TUSC3: variants seen among roughly 807,000 people sequenced by gnomAD.
TUSC3 encodes the protein tumor suppressor candidate 3.
Under a neutral mutation model 44.8 loss-of-function variants are expected in TUSC3, and 45 were observed. That is an observed-to-expected ratio of 1.00 (90% CI 0.79 to 1.29). TUSC3 has a LOEUF of 1.29. TUSC3 is among the 50% of genes most tolerant of loss of function. The probability of loss-of-function intolerance (pLI) is 0.00; values close to 1 mark genes in which losing one functional copy is unlikely to be tolerated. For missense variants in TUSC3, 519 were observed against 437.9 expected (o/e 1.19, Z -1.65); for synonymous variants, 212 against 152.9 (o/e 1.39, Z -2.85).
intron 1 of TUSC3, among the ~76,000 whole-genome samples, chr8:15,477,973 T>G (rs1288517664): frequency 1.3e-5 from 2 of 152,122 alleles, no homozygotes; most frequent in Non-Finnish European, 2.9e-5. Context: ...TAATTTTATG[T>G]TTTTGACACA....
intron 1 of TUSC3, among the ~76,000 whole-genome samples, chr8:15,541,370 G>A (rs1801685848): frequency 6.6e-6 from 1 of 152,116 alleles, no homozygotes; most frequent in Admixed American, 6.5e-5. Flanking sequence ...AGTTATTTCG[G>A]GAATGTGACT....
chr8:15,522,784 C>G (rs1801315364), intron 2 of TUSC3, among the ~76,000 whole-genome samples: 1 of 152,136 alleles, frequency 6.6e-6, no homozygotes, highest in Non-Finnish European at 1.5e-5. Context: ...CAAAAGGAAG[C>G]TCCTTTTCTC....
intron 2 of TUSC3, among the ~76,000 whole-genome samples, chr8:15,497,258 T>C (rs1282163717): frequency 6.6e-6 from 1 of 152,116 alleles, no homozygotes; most frequent in Non-Finnish European, 1.5e-5. Flanking sequence ...TGCTTCCAAG[T>C]CCCAATTCCC....
chr8:15,684,907 C>T (rs1403720980), intron 6 of TUSC3, among the ~76,000 whole-genome samples: 1 of 152,142 alleles, frequency 6.6e-6, no homozygotes, highest in Non-Finnish European at 1.5e-5. Context: ...GCTGTGGGCA[C>T]ACTTCTGCAA....
At chr8:15,459,517 A>G (rs1800310951) in intron 1 of TUSC3, among the ~76,000 whole-genome samples, 2 of 152,038 alleles carry the variant, frequency 1.3e-5, no homozygotes, top group South Asian at 2.1e-4. Context: ...GTGTTTGGTT[A>G]TGTGAGTACA....
chr8:15,757,772 A>G lies in TUSC3; in HGVS notation c.1029-19A>G. 6.8e-7 allele frequency: 1 copy of G among 1,477,654 alleles called. No individual in the cohort carries two copies. The highest frequency in any genetic ancestry group is 2.3e-5 in the East Asian group (1 of 44,146). 91.5% of individuals were successfully genotyped at this position (1,477,654 alleles called of 1,614,324 possible). A position where few individuals can be genotyped will look rare whatever the true frequency, so the allele number is the denominator to read the frequency against. ...TATTTTTTCCATATTGTTGTATTTCATTGTGGTGTATTGGAAAGTGATCTG... is the reference window on the plus strand; with the variant it reads ...TATTTTTTCCATATTGTTGTATTTCGTTGTGGTGTATTGGAAAGTGATCTG... On this transcript the variant is annotated intron_variant, in intron 9 of 10. Transcript: ENST00000503731.
At chr8:15,426,581 C>A (rs1186373509) in intron 1 of TUSC3, among the ~76,000 whole-genome samples, 1 of 152,288 alleles carries the variant, frequency 6.6e-6, no homozygotes, top group East Asian at 1.9e-4. Flanking sequence ...GGATTTCTTT[C>A]TTTTTCAAGA....
At chr8:15,651,600 T>C (rs902713644) in intron 3 of TUSC3, among the ~76,000 whole-genome samples, 3 of 152,144 alleles carry the variant, frequency 2.0e-5, no homozygotes, top group African/African-American at 4.8e-5. Flanking sequence ...AGGGGCATGT[T>C]AGAACACAGC....
chr8:15,453,727 C>T (rs1800221834), intron 1 of TUSC3, among the ~76,000 whole-genome samples: 1 of 152,176 alleles, frequency 6.6e-6, no homozygotes. Context: ...ATTCTTGTTA[C>T]AGTGGGCAGG....
chr8:15,612,497 G>A (rs1395604885), intron 1 of TUSC3, among the ~76,000 whole-genome samples: 2 of 152,158 alleles, frequency 1.3e-5, no homozygotes, highest in Non-Finnish European at 2.9e-5. Flanking sequence ...GTAGTAAAAT[G>A]TGAATTGAGA....
chr8:15,652,870 G>T (rs1374388052), intron 3 of TUSC3, among the ~76,000 whole-genome samples: 1 of 152,160 alleles, frequency 6.6e-6, no homozygotes, highest in Non-Finnish European at 1.5e-5. Context: ...TGAAGACAGG[G>T]AGTTGGGTTA....
intron 5 of TUSC3, among the ~76,000 whole-genome samples, chr8:15,669,259 A>C (rs1807825658): frequency 1.3e-5 from 2 of 151,984 alleles, no homozygotes; most frequent in South Asian, 2.1e-4. Context: ...TCCATTGCTG[A>C]AACAATTGAA....
rs1801429252 is a variant in TUSC3 at position 15,529,946 on chromosome 8, CGGCT to C, written n.189+46464_189+46467del. On this transcript the variant is annotated intron_variant and non_coding_transcript_variant, in intron 2 of 5. Coordinates refer to the TUSC3 transcript ENST00000503191. ...CCGAGTAGCTGGGACTACAGGCGCCCGGCTAATTTTTTGTATTTTTAGTAGAGAC... is the reference window on the plus strand; with the variant it reads ...CCGAGTAGCTGGGACTACAGGCGCCCAATTTTTTGTATTTTTAGTAGAGAC... Among the ~76,000 whole-genome samples, 36 of 37,184 alleles carry C rather than the reference CGGCT, an allele frequency of 9.7e-4. 1 individual carries two copies. Among genetic ancestry groups the C allele is most frequent in the South Asian group, 2.5e-3 (2 of 810 alleles). The allele number at this position is 37,184 out of a possible 152,430, so 24.4% of individuals were successfully genotyped here.
intron 1 of TUSC3, among the ~76,000 whole-genome samples, chr8:15,607,834 A>G (rs972443613): frequency 6.6e-6 from 1 of 152,186 alleles, no homozygotes; most frequent in African/African-American, 2.4e-5. Flanking sequence ...AAAATGTAGA[A>G]ATTTTGTACT....
At chr8:15,831,818 T>C in the TUSC3 span, among the ~76,000 whole-genome samples, 3 of 152,286 alleles carry the variant, frequency 2.0e-5, no homozygotes, top group East Asian at 5.8e-4. Flanking sequence ...ATATGATTCA[T>C]TGGTGTCTCT....
chr8:15,490,646 T>C (rs1800796099), intron 2 of TUSC3, among the ~76,000 whole-genome samples: 1 of 152,162 alleles, frequency 6.6e-6, no homozygotes, highest in East Asian at 1.9e-4. Context: ...CATGATACAT[T>C]TGCCCTAAAA....
intron 2 of TUSC3, among the ~76,000 whole-genome samples, chr8:15,648,317 G>A (rs537630879): frequency 5.9e-5 from 9 of 151,264 alleles, no homozygotes; most frequent in South Asian, 4.2e-4. Flanking sequence ...TTTTCCTTCC[G>A]TGAATACCCA....
chr8:15,711,425 GAA>G (rs1809846280), intron 6 of TUSC3, among the ~76,000 whole-genome samples: 1 of 150,452 alleles, frequency 6.6e-6, no homozygotes, highest in African/African-American at 2.4e-5. Flanking sequence ...ACTTATCTCA[GAA>G]AAGAGGTTAC....
At chr8:15,677,151 C>G (rs779111911) in intron 6 of TUSC3, among the ~76,000 whole-genome samples, 27 of 152,008 alleles carry the variant, frequency 1.8e-4, no homozygotes, top group Non-Finnish European at 1.6e-4. Context: ...CTAAGTACCT[C>G]GGACACTGTG....
Sources: gnomAD v4.1 joint callset for allele counts (sites outside exome capture counted in the v4.1 genomes callset) on GRCh38, gnomAD v4.1.1 for gene constraint, MANE v1.5 for transcripts, NCBI Gene and HGNC (gene_info 2026-07-23, HGNC 2026-07-21) for gene names.